OSBPL9: variants seen among roughly 807,000 people sequenced by gnomAD.
The protein encoded by OSBPL9 is oxysterol binding protein like 9, also known as oxysterol-binding protein-related protein 9.
In OSBPL9, 40 loss-of-function variants were observed where a neutral mutation model predicts 106.6. That is an observed-to-expected ratio of 0.38 (90% CI 0.29 to 0.49). The LOEUF (loss-of-function observed/expected upper bound fraction) is 0.49. OSBPL9 is among the 20% of genes least tolerant of loss of function. The probability of loss-of-function intolerance (pLI) is 0.97; values close to 1 mark genes in which losing one functional copy is unlikely to be tolerated. For synonymous variants in OSBPL9, 269 were observed against 295.4 expected, an observed-to-expected ratio of 0.91 and a Z score of 0.92; for missense variants, 609 against 887.2, an observed-to-expected ratio of 0.69 and a Z score of 3.98.
intron 1 of OSBPL9, among the ~76,000 whole-genome samples, chr1:51,646,591 T>C (rs1481368060): frequency 1.3e-5 from 2 of 152,232 alleles, no homozygotes; most frequent in East Asian, 3.8e-4. Flanking sequence ...TTGCCCAGGC[T>C]GGAGTGCAGT....
intron 3 of OSBPL9, among the ~76,000 whole-genome samples, chr1:51,694,511 GTTAC>G (rs1655623060): frequency 6.6e-6 from 1 of 152,164 alleles, no homozygotes; most frequent in South Asian, 2.1e-4. Flanking sequence ...TTAAGTGATA[GTTAC>G]TTAAAGTTTA....
intron 1 of OSBPL9, among the ~76,000 whole-genome samples, chr1:51,628,360 A>G (rs1048172513): frequency 3.9e-5 from 6 of 152,214 alleles, no homozygotes; most frequent in African/African-American, 1.4e-4. Context: ...CAAATGAACA[A>G]AAGATAACAT....
intron 8 of OSBPL9, among the ~76,000 whole-genome samples, chr1:51,751,133 G>A (rs373346256): frequency 6.6e-6 from 1 of 152,084 alleles, no homozygotes; most frequent in East Asian, 1.9e-4. Flanking sequence ...TGTTGCCCAG[G>A]CTGGAGTGCA....
rs944067759 is a variant in OSBPL9 at position 51,580,404 on chromosome 1, T to G, written c.-423+3148T>G. Among the ~76,000 whole-genome samples, 18 of 152,338 alleles carry G rather than the reference T, an allele frequency of 1.2e-4. 1 individual carries two copies. The highest frequency in any genetic ancestry group is 4.1e-4 in the South Asian group (2 of 4,830). ...AGATTGGCATGAGGGCCAAATTAAT[T>G]AAGACAATAATGTAACTATTGCTGC... On this transcript the variant is annotated intron_variant, in intron 1 of 25. Transcript: ENST00000371714.
At chr1:51,785,967 CT>C (rs1329774939) in intron 21 of OSBPL9, 81 bp downstream of exon 21, 1 of 1,162,188 alleles carries the variant, frequency 8.6e-7, no homozygotes. Flanking sequence ...TTCATTAGTA[CT>C]TCCTTCATAA....
chr1:51,653,387 G>A (rs1302099040), intron 2 of OSBPL9, among the ~76,000 whole-genome samples: 1 of 152,100 alleles, frequency 6.6e-6, no homozygotes, highest in Non-Finnish European at 1.5e-5. Context: ...ATTCCATTTG[G>A]ATTTAGGCCA....
intron 4 of OSBPL9, among the ~76,000 whole-genome samples, chr1:51,731,725 C>CACTTACAGT (rs1362197711): frequency 2.0e-5 from 3 of 147,876 alleles, no homozygotes; most frequent in Admixed American, 1.4e-4. Flanking sequence ...TACAGTGAGC[C>CACTTACAGT]GAGATCGTGC....
Position 51,594,311 on chromosome 1 carries a change from A to G in OSBPL9, c.-422-3813A>G, listed in dbSNP as rs560373085. On this transcript the variant is annotated intron_variant, in intron 1 of 25. Transcript: ENST00000371714. Reference sequence around the variant, plus strand: ...CAGCTACTCAAGAGGCTGAGGCAGGATAATCACTTGAACCTGGGAGGCAGA... The same window carrying G: ...CAGCTACTCAAGAGGCTGAGGCAGGGTAATCACTTGAACCTGGGAGGCAGA... Among the ~76,000 whole-genome samples the G allele has an allele frequency of 7.3e-4, 111 of 152,270 alleles. 1 individual carries two copies. The highest frequency in any genetic ancestry group is 4.1e-3 in the South Asian group (20 of 4,826).
At chr1:51,554,679 T>C in the OSBPL9 span, among the ~76,000 whole-genome samples, 5 of 152,228 alleles carry the variant, frequency 3.3e-5, no homozygotes, top group Non-Finnish European at 5.9e-5. Context: ...AAAGACTATG[T>C]GGCTGATTTT....
At chr1:51,737,120 G>A (rs553178636) in intron 4 of OSBPL9, among the ~76,000 whole-genome samples, 4 of 151,936 alleles carry the variant, frequency 2.6e-5, no homozygotes, top group African/African-American at 7.2e-5. Flanking sequence ...TAGTGATTAC[G>A]AAGTTTTAAG....
chr1:51,591,026 C>G (rs1570534104), intron 1 of OSBPL9, among the ~76,000 whole-genome samples: 1 of 151,262 alleles, frequency 6.6e-6, no homozygotes, highest in Non-Finnish European at 1.5e-5. Flanking sequence ...TCACACCATT[C>G]TCCTGCCTCA....
the OSBPL9 span, among the ~76,000 whole-genome samples, chr1:51,524,895 G>A: frequency 2.6e-5 from 4 of 152,182 alleles, no homozygotes; most frequent in Non-Finnish European, 5.9e-5. Flanking sequence ...TCTTTCATCT[G>A]CAGGTTTCAA....
At chr1:51,704,524 C>T (rs558751289) in intron 3 of OSBPL9, among the ~76,000 whole-genome samples, 1 of 152,306 alleles carries the variant, frequency 6.6e-6, no homozygotes, top group South Asian at 2.1e-4. Context: ...GTTTGGGCTG[C>T]TATAACAAAT....
chr1:51,573,099 C>G (rs931446904), upstream of OSBPL9, among the ~76,000 whole-genome samples: 1 of 151,970 alleles, frequency 6.6e-6, no homozygotes, highest in African/African-American at 2.4e-5. Flanking sequence ...GTAGTCCCAG[C>G]TACTTGGGAG....
intron 4 of OSBPL9, among the ~76,000 whole-genome samples, chr1:51,744,300 G>A (rs1667536469): frequency 1.3e-5 from 2 of 152,166 alleles, no homozygotes; most frequent in Admixed American, 6.5e-5. Context: ...AATAATAGGA[G>A]GAGGAGGATG....
chr1:51,695,581 T>G (rs190107465), intron 3 of OSBPL9, among the ~76,000 whole-genome samples: 39 of 152,332 alleles, frequency 2.6e-4, no homozygotes, highest in Admixed American at 2.4e-3. Context: ...AAAGTTTATA[T>G]TGTTATTCCT....
intron 4 of OSBPL9, among the ~76,000 whole-genome samples, chr1:51,736,708 A>G (rs1400151376): frequency 1.3e-5 from 2 of 152,118 alleles, no homozygotes; most frequent in Non-Finnish European, 2.9e-5. Context: ...CTCATTTTTG[A>G]TGGATCCTTA....
the OSBPL9 span, among the ~76,000 whole-genome samples, chr1:51,559,680 A>C: frequency 6.6e-6 from 1 of 152,338 alleles, no homozygotes; most frequent in Non-Finnish European, 1.5e-5. Context: ...ACCCAGAGCA[A>C]TTAGTGTCAA....
At chr1:51,609,658 G>A (rs956490278) in intron 2 of OSBPL9, among the ~76,000 whole-genome samples, 2 of 151,002 alleles carry the variant, frequency 1.3e-5, no homozygotes, top group African/African-American at 2.4e-5. Context: ...GCCAGCTACC[G>A]CCTATGGATT....
Sources: gnomAD v4.1 joint callset for allele counts (sites outside exome capture counted in the v4.1 genomes callset) on GRCh38, gnomAD v4.1.1 for gene constraint, MANE v1.5 for transcripts, NCBI Gene and HGNC (gene_info 2026-07-23, HGNC 2026-07-21) for gene names.